The following PCDHA1 variants were observed in gnomAD, a reference collection of about 807,000 sequenced individuals.
The protein encoded by PCDHA1 is protocadherin alpha 1.
In PCDHA1, 42 loss-of-function variants were observed where a neutral mutation model predicts 61.3. The ratio of observed to expected loss-of-function variants is 0.69; its 90% confidence interval spans 0.54 to 0.89. The LOEUF (loss-of-function observed/expected upper bound fraction) is 0.89. PCDHA1 is among the 40% of genes least tolerant of loss of function. PCDHA1 has a pLI of 0.00. For synonymous variants in PCDHA1, 610 were observed against 553.8 expected (o/e 1.10, Z -1.43); for missense variants, 1,256 against 1,235.3 (o/e 1.02, Z -0.25).
Position 140,993,262 on chromosome 5 carries a change from C to T in PCDHA1, c.2542+10699C>T, listed in dbSNP as rs75542242. ...CTGGGGATTTAGATATATAAATTAG[C>T]TTCTTTGGTCTTTTCTTGCCCAGGG... On this transcript the variant is annotated intron_variant, in intron 3 of 3. Transcript: ENST00000504120. Among the ~76,000 whole-genome samples the T allele has an allele frequency of 6.3e-3, 965 of 152,148 alleles. 15 individuals are homozygous for T. Among genetic ancestry groups the T allele is most frequent in the African/African-American group, 0.023 (934 of 41,492 alleles).
intron 1 of PCDHA1, among the ~76,000 whole-genome samples, chr5:140,793,020 A>T (rs988028325): frequency 6.6e-6 from 1 of 152,208 alleles, no homozygotes; most frequent in African/African-American, 2.4e-5. Context: ...ATGTCTAGCC[A>T]ATGTGAGAAA....
intron 1 of PCDHA1, chr5:140,868,008 G>C (rs953372223): frequency 2.2e-4 from 34 of 152,046 alleles, no homozygotes; most frequent in African/African-American, 7.7e-4. Context: ...AACTGAATTA[G>C]ATTAAGGAAA....
intron 1 of PCDHA1, chr5:140,810,778 G>A (rs1236726789): frequency 6.6e-6 from 1 of 151,406 alleles, no homozygotes; most frequent in African/African-American, 2.4e-5. Context: ...TTTTTTAGTA[G>A]TTTTCAACCT....
At chr5:140,931,519 A>G (rs578009368) in intron 1 of PCDHA1, among the ~76,000 whole-genome samples, 6 of 152,054 alleles carry the variant, frequency 3.9e-5, no homozygotes, top group Non-Finnish European at 8.8e-5. Flanking sequence ...TGAATGATTA[A>G]CAAAATAATA....
At chr5:140,857,011 T>G in intron 1 of PCDHA1, 1 of 1,596,152 alleles carries the variant, frequency 6.3e-7, no homozygotes, top group Non-Finnish European at 8.6e-7. Flanking sequence ...ATGTAGATGT[T>G]ACAGATAAGG....
chr5:140,824,626 T>TTTTTTTTTTG (rs1768277124), intron 1 of PCDHA1: 3 of 133,454 alleles, frequency 2.2e-5, no homozygotes, highest in African/African-American at 3.2e-5. Flanking sequence ...TTTTTTTTTT[T>TTTTTTTTTTG]TTTTTTATTT....
intron 1 of PCDHA1, chr5:140,850,875 G>T: frequency 6.3e-7 from 1 of 1,590,472 alleles, no homozygotes; most frequent in Non-Finnish European, 8.6e-7. Flanking sequence ...TGCTTCCTCA[G>T]ATTCAACTGG....
chr5:140,831,399 A>T (rs2150194241), intron 1 of PCDHA1, among the ~76,000 whole-genome samples: 1 of 150,984 alleles, frequency 6.6e-6, no homozygotes. Flanking sequence ...TTGCTCTGTC[A>T]CCCATGCTGG....
intron 1 of PCDHA1, chr5:140,876,017 T>TAAAAAC (rs782503573): frequency 2.3e-5 from 37 of 1,613,124 alleles, no homozygotes; most frequent in Non-Finnish European, 2.8e-5. Context: ...GAGCTTAAAA[T>TAAAAAC]AAAAACAAAA....
intron 1 of PCDHA1, chr5:140,829,600 G>C (rs782636374): frequency 6.2e-7 from 1 of 1,612,044 alleles, no homozygotes; most frequent in Non-Finnish European, 8.5e-7. Flanking sequence ...GCGAGCGCGC[G>C]TTGTCGAGCT....
chr5:140,891,330 T>C (rs995602420), intron 1 of PCDHA1, among the ~76,000 whole-genome samples: 1 of 152,108 alleles, frequency 6.6e-6, no homozygotes, highest in Non-Finnish European at 1.5e-5. Flanking sequence ...TGGTGGTGAT[T>C]TGTGAGATTT....
At position 140,981,034 on chromosome 5, in the gene PCDHA1, A is replaced by G. The variant is rs376817771; in HGVS notation, c.2454-1441A>G. ...ACTTGAAGGCTGTTAATATTTGGGGAAAAAAAACAGATAATTCTAGAGTGT... is the reference window on the plus strand; with the variant it reads ...ACTTGAAGGCTGTTAATATTTGGGGGAAAAAAACAGATAATTCTAGAGTGT... On this transcript the variant is annotated intron_variant, in intron 2 of 3. Transcript: ENST00000504120. Among the ~76,000 whole-genome samples, 183 of 149,642 alleles carry G rather than the reference A, an allele frequency of 1.2e-3. 1 individual carries two copies. Among genetic ancestry groups the G allele is most frequent in the African/African-American group, 4.1e-3 (163 of 39,298 alleles).
At chr5:140,803,535 C>G (rs1554122870) in intron 1 of PCDHA1, 4 of 1,614,194 alleles carry the variant, frequency 2.5e-6, no homozygotes, top group South Asian at 1.1e-5. Flanking sequence ...TCCTCCTTGT[C>G]CAATTAGCCG....
intron 1 of PCDHA1, chr5:140,856,358 C>T: frequency 6.3e-7 from 1 of 1,598,606 alleles, no homozygotes; most frequent in African/African-American, 1.3e-5. Context: ...GTGCAGCATC[C>T]ACCTGGAGGT....
intron 1 of PCDHA1, chr5:140,876,935 C>T (rs1554169119): frequency 6.2e-7 from 1 of 1,613,746 alleles, no homozygotes; most frequent in Non-Finnish European, 8.5e-7. Context: ...CAGAAGAACG[C>T]GCTGGTGTCC....
intron 1 of PCDHA1, chr5:140,824,613 T>G (rs2150135579): frequency 6.5e-5 from 8 of 122,680 alleles, no homozygotes; most frequent in Middle Eastern, 3.6e-3. Flanking sequence ...AATTAAAGTT[T>G]TTTTTTTTTT....
intron 1 of PCDHA1, among the ~76,000 whole-genome samples, chr5:140,977,021 A>G (rs1249097233): frequency 1.3e-5 from 2 of 152,190 alleles, no homozygotes; most frequent in East Asian, 3.8e-4. Context: ...ATTCTGTCAA[A>G]TGAATCTAAG....
chr5:140,850,193 G>C (rs2150472370), intron 1 of PCDHA1: 2 of 1,593,662 alleles, frequency 1.3e-6, no homozygotes. Flanking sequence ...CGGCGCTGCT[G>C]ACACCTCGGA....
intron 1 of PCDHA1, chr5:140,795,005 G>C (rs782163848): frequency 1.2e-6 from 2 of 1,613,744 alleles, no homozygotes; most frequent in South Asian, 1.1e-5. Context: ...GCCTGGACAC[G>C]GCTGCTCTCG....
Sources: gnomAD v4.1 joint callset for allele counts (sites outside exome capture counted in the v4.1 genomes callset) on GRCh38, gnomAD v4.1.1 for gene constraint, MANE v1.5 for transcripts, NCBI Gene and HGNC (gene_info 2026-07-23, HGNC 2026-07-21) for gene names.